NUTM1: variants seen among roughly 807,000 people sequenced by gnomAD.
The protein encoded by NUTM1 is NUT family member 1.
A neutral mutation model predicts 88.7 loss-of-function variants in NUTM1; 39 were observed. The ratio of observed to expected loss-of-function variants is 0.44; its 90% confidence interval spans 0.34 to 0.57. The LOEUF (loss-of-function observed/expected upper bound fraction) is 0.57, where lower values mean the gene tolerates loss of function less well. Ranked by LOEUF, NUTM1 falls within the 20% of genes least tolerant of loss-of-function variation. The probability of loss-of-function intolerance (pLI) is 0.01; values close to 1 mark genes in which losing one functional copy is unlikely to be tolerated. For synonymous variants in NUTM1, 494 were observed against 538.0 expected, an observed-to-expected ratio of 0.92 and a Z score of 1.13; for missense variants, 1,350 against 1,414.5, an observed-to-expected ratio of 0.95 and a Z score of 0.73.
Position 34,348,243 on chromosome 15 carries a change from G to T in NUTM1, c.375G>T (p.Gly125=), listed in dbSNP as rs1169150851. The change falls in exon 3 of 8, where the codon GGG becomes GGT. Residue 125 remains glycine (G), a synonymous_variant. Transcript: ENST00000537011. ...TTGTCAAAGTCAAGACAGAAGGGGG[G>T]TCAGCTGAGCCCTCTCAAACTCAGA... ...KVIVKVKTEG[G]SAEPSQTQNF... 10 of 1,614,248 alleles carry T rather than the reference G, an allele frequency of 6.2e-6. No homozygotes were observed. The South Asian group carries it at 1.1e-4, about 18-fold the overall frequency.
intron 4 of NUTM1, among the ~76,000 whole-genome samples, chr15:34,351,822 C>T (rs1415800553): frequency 6.6e-6 from 1 of 151,638 alleles, no homozygotes; most frequent in Non-Finnish European, 1.5e-5. Flanking sequence ...GTCCTGGATG[C>T]CCAAAGTTGT....
At chr15:34,344,894 T>C (rs1174474907) in intron 1 of NUTM1, among the ~76,000 whole-genome samples, 1 of 152,004 alleles carries the variant, frequency 6.6e-6, no homozygotes, top group Non-Finnish European at 1.5e-5. Flanking sequence ...GGTGGGTGCC[T>C]GTAGTCCCAG....
chr15:34,354,514 C>A lies in NUTM1; in HGVS notation c.1144C>A (p.Pro382Thr). The A allele has an allele frequency of 6.2e-7, 1 of 1,614,168 alleles. No homozygotes were observed. The highest frequency in any genetic ancestry group is 8.5e-7 in the Non-Finnish European group (1 of 1,180,028). Residue 382 changes from proline to threonine, a missense_variant, in exon 6 of 8, where the codon CCT becomes ACT. Around this residue, in one of 5 missense-constraint regions of NUTM1, gnomAD observed 89 missense variants for 76.0 expected, o/e 1.17. Transcript: ENST00000537011. The part of the protein sequence containing the change: ...PRRRQRKAQR[P>T]PAPEAPKEIP... ...CCGGCGTCAGCGTAAAGCCCAGAGA[C>A]CTCCTGCTCCTGAGGCACCCAAGGA...
In NUTM1 at chr15:34,354,706, T is replaced by C; in HGVS notation, c.1336T>C (p.Cys446Arg). 6.2e-7 allele frequency: 1 copy of C among 1,614,206 alleles called. No individual in the cohort carries two copies. Among genetic ancestry groups the C allele is most frequent in the Non-Finnish European group, 8.5e-7 (1 of 1,180,026 alleles). The stretch of plus-strand genomic sequence containing the variant: ...TCTCCTGAGCTACATCAATGAGCTG[T>C]GTTCTCAGAAGGTCTTTGTCTCCAA... ...PGLLSYINEL[C>R]SQKVFVSKVE... Residue 446 changes from cysteine (C) to arginine (R), a missense_variant, in exon 6 of 8, where the codon TGT becomes CGT. Physicochemically the swap from Cys to Arg is radical, Grantham distance 180. Transcript: ENST00000537011.
At position 34,348,340 on chromosome 15, in the gene NUTM1, G is replaced by A. The variant is rs188615920; in HGVS notation, c.472G>A (p.Ala158Thr). ...GTPCGGLEGP[A>T]PPFVTASNVK... ...TCCCTGTGGAGGCCTTGAGGGTCCT[G>A]CACCTCCATTTGTGACAGCATCTAA... Residue 158 changes from alanine (A) to threonine (T), a missense_variant, in exon 3 of 8, where the codon GCA becomes ACA. Around this residue, in one of 5 missense-constraint regions of NUTM1, gnomAD observed 399 missense variants for 397.9 expected, o/e 1.00. Transcript: ENST00000537011. 3.7e-6 allele frequency: 6 copies of A among 1,614,258 alleles called. No homozygotes were observed. The East Asian group carries it at 1.1e-4, about 30-fold the overall frequency.
chr15:34,354,975 G>T (rs907473370), intron 6 of NUTM1, 46 bp from the exon 7 acceptor site: 2 of 1,431,874 alleles, frequency 1.4e-6, no homozygotes, highest in African/African-American at 1.4e-5. Flanking sequence ...TTGTTTCACA[G>T]GTTACCTGCT....
At chr15:34,349,678 C>G (rs115770416) in intron 3 of NUTM1, among the ~76,000 whole-genome samples, 18 of 152,292 alleles carry the variant, frequency 1.2e-4, no homozygotes, top group Admixed American at 3.3e-4. Flanking sequence ...TTGCTTTAAA[C>G]AAATGTACAT....
rs747409427 is a variant in NUTM1 at position 34,357,333 on chromosome 15, C to A, written c.3325C>A (p.Pro1109Thr). 1.9e-6 allele frequency: 3 copies of A among 1,614,168 alleles called. No homozygotes were observed. The highest frequency in any genetic ancestry group is 2.5e-6 in the Non-Finnish European group (3 of 1,180,026). ...KSGKRALAGGPAPTEKTPHSG... is the reference protein window; with the variant it reads ...KSGKRALAGGTAPTEKTPHSG... ...TGGGAAGCGAGCTCTAGCTGGAGGT[C>A]CAGCCCCTACTGAAAAGACACCCCA... Residue 1109 changes from proline to threonine, a missense_variant, in exon 8 of 8, where the codon CCA (proline) becomes ACA (threonine). By Grantham distance (38) the Pro-to-Thr change is conservative. Coordinates refer to ENST00000537011, the MANE Select transcript of NUTM1 (RefSeq NM_001284292.2).
In NUTM1 at chr15:34,354,697, A is replaced by T; in HGVS notation, c.1327A>T (p.Asn443Tyr). ...YPDPGLLSYI[N>Y]ELCSQKVFVS... ...AGATCCAGGTCTCCTGAGCTACATCAATGAGCTGTGTTCTCAGAAGGTCTT... is the reference window on the plus strand; with the variant it reads ...AGATCCAGGTCTCCTGAGCTACATCTATGAGCTGTGTTCTCAGAAGGTCTT... Residue 443 changes from asparagine to tyrosine, a missense_variant, in exon 6 of 8, where the codon AAT becomes TAT. Physicochemically the swap from Asn to Tyr is moderately radical, Grantham distance 143. Coordinates refer to ENST00000537011, the MANE Select transcript of NUTM1 (RefSeq NM_001284292.2). The T allele has an allele frequency of 6.2e-7, 1 of 1,614,200 alleles. No homozygotes were observed.
intron 1 of NUTM1, 47 bp from the exon 2 acceptor site, chr15:34,345,895 A>G (rs1376407036): frequency 6.2e-7 from 1 of 1,608,358 alleles, no homozygotes; most frequent in Admixed American, 1.7e-5. Flanking sequence ...GTGTGATCTG[A>G]TCTTTACCTT....
intron 2 of NUTM1, among the ~76,000 whole-genome samples, chr15:34,347,003 G>A (rs982513663): frequency 1.3e-5 from 2 of 148,830 alleles, no homozygotes; most frequent in African/African-American, 4.9e-5. Flanking sequence ...CTTTAATGCA[G>A]TCATTCTCAA....
chr15:34,349,998 T>A (rs1398239306), intron 3 of NUTM1, among the ~76,000 whole-genome samples: 1 of 152,198 alleles, frequency 6.6e-6, no homozygotes, highest in Non-Finnish European at 1.5e-5. Context: ...GGGAAGCTCC[T>A]AAAATGCTCA....
chr15:34,345,860 G>T, intron 1 of NUTM1, 82 bp from the exon 2 acceptor site: 2 of 1,539,018 alleles, frequency 1.3e-6, no homozygotes, highest in Non-Finnish European at 1.8e-6. Context: ...ACAGCAGAAT[G>T]CCTTGAGTTC....
intron 4 of NUTM1, 51 bp downstream of exon 4, chr15:34,350,883 C>T (rs1423213244): frequency 6.2e-7 from 1 of 1,608,354 alleles, no homozygotes; most frequent in Non-Finnish European, 8.5e-7. Flanking sequence ...TGGCTGAGAG[C>T]AGTAAGGGCC....
In NUTM1 at chr15:34,357,243, G is replaced by A; in HGVS notation, c.3235G>A (p.Ala1079Thr). 1.2e-6 allele frequency: 2 copies of A among 1,614,142 alleles called. No homozygotes were observed. The highest frequency in any genetic ancestry group is 1.7e-6 in the Non-Finnish European group (2 of 1,180,030). ...CTCAGGAGGTCAGGGCAGCCAGAGA[G>A]CATCCCACCTGCTCCCTGCTGGAGC... Reference protein sequence around the residue: ...HASGGQGSQRASHLLPAGAKG... With the variant: ...HASGGQGSQRTSHLLPAGAKG... Residue 1079 changes from alanine to threonine, a missense_variant, in exon 8 of 8, where the codon GCA becomes ACA. By Grantham distance (58) the Ala-to-Thr change is moderately conservative (BLOSUM62 0). This residue lies in a region of NUTM1 where 730 missense variants were observed against 728.8 expected (regional missense o/e 1.00). Coordinates refer to ENST00000537011, the MANE Select transcript of NUTM1 (RefSeq NM_001284292.2).
rs1192345457 is a variant in NUTM1, at chr15:34,350,942, G to C, written c.938+110G>C. ...ATTATCAAAAGCCATGTTAGGATGGGGCGCAGCGGCTCACGCCTGTAATCC... is the reference window on the plus strand; with the variant it reads ...ATTATCAAAAGCCATGTTAGGATGGCGCGCAGCGGCTCACGCCTGTAATCC... On this transcript the variant is annotated intron_variant, in intron 4 of 7. Transcript: ENST00000537011. The C allele has an allele frequency of 2.2e-6, 3 of 1,391,112 alleles. No individual in the cohort carries two copies. In the African/African-American group the frequency reaches 4.3e-5, roughly 20 times the overall value. 86.2% of individuals were successfully genotyped at this position (1,391,112 alleles called of 1,614,324 possible).
At position 34,355,931 on chromosome 15, in the gene NUTM1, T is replaced by G; in HGVS notation, c.1923T>G (p.Ala641=). Residue 641 remains alanine, a synonymous_variant, in exon 8 of 8, where the codon GCT becomes GCG. Transcript: ENST00000537011. The surrounding 1 kb of genome is among the most constrained non-coding windows in gnomAD (Gnocchi z 4.3). ...GGCCTCCTGGGCACTGCCTGGTGGC[T>G]GATAGGACTTCAGAGGCTCTGCCCC... The part of the protein sequence containing the change: ...GAGPPGHCLV[A]DRTSEALPLC... 6.2e-7 allele frequency: 1 copy of G among 1,614,056 alleles called. No homozygotes were observed. Among genetic ancestry groups the G allele is most frequent in the Non-Finnish European group, 8.5e-7 (1 of 1,179,994 alleles).
rs746914938 is a variant in NUTM1 at position 34,348,428 on chromosome 15, C to G, written c.560C>G (p.Pro187Arg). 3.6e-5 allele frequency: 58 copies of G among 1,613,982 alleles called. No individual in the cohort carries two copies. Among genetic ancestry groups the G allele is most frequent in the Non-Finnish European group, 4.5e-5 (53 of 1,179,978 alleles). The change falls in exon 3 of 8, where the codon CCG becomes CGG. Residue 187 changes from proline (P) to arginine (R), a missense_variant. By Grantham distance (103) the Pro-to-Arg change is moderately radical. This residue lies in a region of NUTM1 where 399 missense variants were observed against 397.9 expected (regional missense o/e 1.00). Coordinates refer to ENST00000537011, the MANE Select transcript of NUTM1 (RefSeq NM_001284292.2). ...GVSQEGPPGL[P>R]PQPPPPVAQL... ...AGCCAGGAGGGTCCTCCAGGCCTTCCGCCTCAGCCTCCACCACCAGTTGCT... is the reference window on the plus strand; with the variant it reads ...AGCCAGGAGGGTCCTCCAGGCCTTCGGCCTCAGCCTCCACCACCAGTTGCT...
intron 3 of NUTM1, among the ~76,000 whole-genome samples, chr15:34,350,430 G>A (rs1890683588): frequency 6.6e-6 from 1 of 152,194 alleles, no homozygotes. Context: ...TGATAATTAG[G>A]GGTGGTAGTT....
Sources: allele counts gnomAD v4.1 joint callset (sites outside exome capture counted in the v4.1 genomes callset), GRCh38; gene constraint gnomAD v4.1.1; regional missense constraint gnomAD v4.1.1; non-coding constraint Gnocchi (gnomAD v3.1); transcripts MANE v1.5; gene names NCBI Gene and HGNC (gene_info 2026-07-23, HGNC 2026-07-21).